The following UPF2 variants were observed in gnomAD, a reference collection of about 807,000 sequenced individuals.
UPF2 encodes the protein regulator of nonsense transcripts 2.
In UPF2, 17 loss-of-function variants were observed where a neutral mutation model predicts 141.4. The ratio of observed to expected loss-of-function variants is 0.12; its 90% confidence interval spans 0.08 to 0.18. UPF2 has a LOEUF of 0.18. Among genes scored for constraint, UPF2 ranks in the 10% least tolerant of loss-of-function variants. UPF2 has a pLI of 1.00. For missense variants in UPF2, 1,152 were observed against 1,515.9 expected (o/e 0.76, Z 3.99); for synonymous variants, 540 against 498.0 (o/e 1.08, Z -1.12).
At position 11,999,937 on chromosome 10, in the gene UPF2, G is replaced by A. The variant is rs1348810094; in HGVS notation, c.1727C>T (p.Pro576Leu). The change falls in exon 7 of 22, where the codon CCC (proline) becomes CTC (leucine). Residue 576 changes from proline (P) to leucine (L), a missense_variant. Around this residue, in one of 4 missense-constraint regions of UPF2, gnomAD observed 739 missense variants for 1,032.2 expected, o/e 0.72. Coordinates refer to ENST00000357604, the MANE Select transcript of UPF2 (RefSeq NM_015542.4). The stretch of plus-strand genomic sequence containing the variant: ...TATCAGATCTCGGTTGACACAGTTG[G>A]GTAACTGCTGTAGGAAAGCATCTAC... ...LIVDAFLQQLPNCVNRDLIDK... is the reference protein window; with the variant it reads ...LIVDAFLQQLLNCVNRDLIDK... 3.1e-6 allele frequency: 5 copies of A among 1,613,736 alleles called. No individual in the cohort carries two copies. The South Asian group carries it at 3.3e-5, about 11-fold the overall frequency.
At chr10:11,983,764 T>A (rs1321151375) in intron 8 of UPF2, among the ~76,000 whole-genome samples, 2 of 152,160 alleles carry the variant, frequency 1.3e-5, no homozygotes, top group African/African-American at 4.8e-5. Context: ...GTGAGATTGG[T>A]CAATGCTTGT....
chr10:11,947,532 A>C (rs971844436), intron 16 of UPF2, among the ~76,000 whole-genome samples: 1 of 152,158 alleles, frequency 6.6e-6, no homozygotes, highest in African/African-American at 2.4e-5. Flanking sequence ...CCATAATCCC[A>C]GCTCTTTGAA....
chr10:11,921,234 C>T lies in UPF2; in HGVS notation c.*64G>A, dbSNP rs1469814774. On this transcript the variant is annotated 3_prime_UTR_variant, in exon 22 of 22. Coordinates refer to ENST00000357604, the MANE Select transcript of UPF2 (RefSeq NM_015542.4). This position sits in a 1 kb window ranked among gnomAD's most constrained non-coding sequence, Gnocchi z 5.9. Reference sequence around the variant, plus strand: ...TGTGTCCACTGCTCTCATTCAATTGCTGGAGGACTCCACTAACCACAACAT... The same window carrying T: ...TGTGTCCACTGCTCTCATTCAATTGTTGGAGGACTCCACTAACCACAACAT... The T allele has an allele frequency of 6.2e-7, 1 of 1,609,066 alleles. No homozygotes were observed. Among genetic ancestry groups the T allele is most frequent in the Non-Finnish European group, 8.5e-7 (1 of 1,175,362 alleles).
chr10:11,952,142 C>T lies in UPF2; in HGVS notation c.2958G>A (p.Lys986=), dbSNP rs530494975. The T allele has an allele frequency of 6.2e-7, 1 of 1,614,046 alleles. No individual in the cohort carries two copies. The highest frequency in any genetic ancestry group is 2.2e-5 in the East Asian group (1 of 44,860). ...ISDTLELLRP[K]IKLCNSLEES... is the part of the protein sequence containing the mutation. The stretch of plus-strand genomic sequence containing the variant: ...CTTCCAGAGAATTACAGAGTTTGAT[C>T]TTTGGTCTTAGCAGTTCTAGTGTAT... Residue 986 remains lysine, a synonymous_variant, in exon 15 of 22, where the codon AAG becomes AAA. Transcript: ENST00000357604.
chr10:11,942,469 C>T (rs956950539), intron 18 of UPF2, among the ~76,000 whole-genome samples, 196 bp downstream of exon 18: 12 of 152,110 alleles, frequency 7.9e-5, no homozygotes, highest in African/African-American at 2.2e-4. Context: ...GCATTTTCAC[C>T]GACTCTACCT....
intron 14 of UPF2, 36 bp downstream of exon 14, chr10:11,955,196 T>C (rs1275351122): frequency 6.5e-7 from 1 of 1,527,168 alleles, no homozygotes; most frequent in East Asian, 2.3e-5. Context: ...TGCAATATGT[T>C]AAATGATGCC....
intron 4 of UPF2, among the ~76,000 whole-genome samples, chr10:12,007,521 A>G (rs1834053353): frequency 6.6e-6 from 1 of 152,152 alleles, no homozygotes; most frequent in African/African-American, 2.4e-5. Flanking sequence ...TGATAGTTGC[A>G]ATGCATATAA....
At chr10:12,040,078 A>G (rs1174544136) in intron 1 of UPF2, among the ~76,000 whole-genome samples, 1 of 152,226 alleles carries the variant, frequency 6.6e-6, no homozygotes, top group African/African-American at 2.4e-5. Flanking sequence ...TGTCTTCATT[A>G]AATTTTAAGT....
chr10:11,981,722 C>T (rs1447219622), intron 8 of UPF2, among the ~76,000 whole-genome samples: 1 of 152,116 alleles, frequency 6.6e-6, no homozygotes, highest in Non-Finnish European at 1.5e-5. Context: ...GCTCTGTCGC[C>T]CAGGCTGGAG....
At chr10:12,024,622 A>T (rs11257487) in intron 3 of UPF2, among the ~76,000 whole-genome samples, 31,514 of 150,618 alleles carry the variant, frequency 0.21, 3,607 homozygotes, top group East Asian at 0.46. Context: ...AAAATTAATT[A>T]ATTTATTTAT....
chr10:12,005,723 C>T (rs2131272562), intron 4 of UPF2, among the ~76,000 whole-genome samples: 1 of 152,238 alleles, frequency 6.6e-6, no homozygotes, highest in East Asian at 1.9e-4. Flanking sequence ...CGCCCGCCAC[C>T]ACACTTGGCT....
At position 12,016,913 on chromosome 10, in the gene UPF2, G is replaced by C. The variant is rs112820940; in HGVS notation, c.1146-2729C>G. On this transcript the variant is annotated intron_variant, in intron 3 of 21. Coordinates refer to ENST00000357604, the MANE Select transcript of UPF2 (RefSeq NM_015542.4). This position sits in a 1 kb window ranked among gnomAD's most constrained non-coding sequence, Gnocchi z 4.1. Reference sequence around the variant, plus strand: ...TGGGTGCCTGTAATCCTAGCTCCTTGGGAGGCTGAGGCAGGAGAATCATTT... The same window carrying C: ...TGGGTGCCTGTAATCCTAGCTCCTTCGGAGGCTGAGGCAGGAGAATCATTT... Among the ~76,000 whole-genome samples the C allele has an allele frequency of 9.9e-5, 15 of 151,750 alleles. No homozygotes were observed. The highest frequency in any genetic ancestry group is 3.4e-4 in the African/African-American group (14 of 41,380).
intron 8 of UPF2, among the ~76,000 whole-genome samples, chr10:11,990,901 T>C (rs1340492745): frequency 6.8e-6 from 1 of 147,802 alleles, no homozygotes; most frequent in Non-Finnish European, 1.5e-5. Context: ...GGCAGGAGAA[T>C]GGTGTGAACC....
At chr10:11,957,582 C>T (rs1446923087) in intron 12 of UPF2, among the ~76,000 whole-genome samples, 1 of 151,918 alleles carries the variant, frequency 6.6e-6, no homozygotes, top group Non-Finnish European at 1.5e-5. Context: ...GTGGCATGAT[C>T]TCAGCTCACT....
At chr10:11,942,840 G>A (rs1832953146) in intron 17 of UPF2, 77 bp from the exon 18 acceptor site, 1 of 1,323,068 alleles carries the variant, frequency 7.6e-7, no homozygotes, top group Non-Finnish European at 1.1e-6. Context: ...TTTTAGTATT[G>A]ACAACTTGTT....
intron 9 of UPF2, among the ~76,000 whole-genome samples, chr10:11,970,290 A>C (rs1312466557): frequency 6.6e-6 from 1 of 152,246 alleles, no homozygotes; most frequent in East Asian, 1.9e-4. Context: ...AATGCTTCCG[A>C]GAAATAACAG....
At chr10:12,041,474 A>T (rs1274310912) in intron 1 of UPF2, among the ~76,000 whole-genome samples, 1 of 152,220 alleles carries the variant, frequency 6.6e-6, no homozygotes, top group Non-Finnish European at 1.5e-5. Context: ...AAAAGAAAGT[A>T]AAACTAATTT....
intron 2 of UPF2, among the ~76,000 whole-genome samples, chr10:12,029,981 A>C (rs527862591): frequency 7.9e-5 from 12 of 151,992 alleles, no homozygotes; most frequent in Admixed American, 2.0e-4. Context: ...CAAAAAAAAA[A>C]CACATAAAGA....
intron 4 of UPF2, among the ~76,000 whole-genome samples, chr10:12,009,700 T>G (rs1834095754): frequency 6.6e-6 from 1 of 152,142 alleles, no homozygotes; most frequent in African/African-American, 2.4e-5. Flanking sequence ...GCAGTCTCCC[T>G]GAGTTGAGGA....
Sources: allele counts gnomAD v4.1 joint callset (sites outside exome capture counted in the v4.1 genomes callset), GRCh38; gene constraint gnomAD v4.1.1; regional missense constraint gnomAD v4.1.1; non-coding constraint Gnocchi (gnomAD v3.1); transcripts MANE v1.5; gene names NCBI Gene and HGNC (gene_info 2026-07-23, HGNC 2026-07-21).